TMEM114: variants seen among roughly 807,000 people sequenced by gnomAD.
TMEM114 encodes the protein claudin-26.
In TMEM114, 6 loss-of-function variants were observed where a neutral mutation model predicts 6.2. That is an observed-to-expected ratio of 0.97 (90% CI 0.53 to 1.91). TMEM114 has a LOEUF of 1.91. Ranked by LOEUF, TMEM114 falls within the 40% of genes most tolerant of loss-of-function variation. The pLI is 0.01. For missense variants in TMEM114, 218 were observed against 158.3 expected, an observed-to-expected ratio of 1.38 and a Z score of -2.02; for synonymous variants, 104 against 73.0, an observed-to-expected ratio of 1.42 and a Z score of -2.16.
At chr16:8,561,595 C>A (rs527310819) in intron 2 of TMEM114, among the ~76,000 whole-genome samples, 4 of 151,998 alleles carry the variant, frequency 2.6e-5, no homozygotes, top group African/African-American at 9.7e-5. Flanking sequence ...ATGAATGAGT[C>A]GATGAGCATA....
rs149098871 is a variant in TMEM114 at position 8,574,138 on chromosome 16, G to C, written c.302-1914C>G. ...GGCGATGAAGAATATAGACGTCAGA[G>C]CCGGATTATTTGCACTCTAATTCAG... On this transcript the variant is annotated intron_variant, in intron 2 of 3. Transcript: ENST00000620492. 2.0e-5 allele frequency among the ~76,000 whole-genome samples: 3 copies of C among 152,272 alleles called. No individual in the cohort carries two copies. The East Asian group carries it at 5.8e-4, about 29-fold the overall frequency.
chr16:8,573,002 C>A (rs1324315749), intron 2 of TMEM114, among the ~76,000 whole-genome samples: 2 of 152,214 alleles, frequency 1.3e-5, no homozygotes, highest in African/African-American at 4.8e-5. Flanking sequence ...ACTGGAGTGC[C>A]GGCCCCGTTC....
At chr16:8,562,692 A>AC in intron 2 of TMEM114, among the ~76,000 whole-genome samples, 1 of 145,154 alleles carries the variant, frequency 6.9e-6, no homozygotes, top group African/African-American at 2.6e-5. Context: ...GAGTGAGGGA[A>AC]TGAGTGAGTG....
At chr16:8,528,666 AT>A in the TMEM114 span, among the ~76,000 whole-genome samples, 1 of 152,232 alleles carries the variant, frequency 6.6e-6, no homozygotes, top group Admixed American at 6.5e-5. Context: ...GTAAATCTGC[AT>A]TGTCAGCTTT....
rs993110104 is a variant in TMEM114, at chr16:8,571,078, T to C, written c.439+1009A>G. ...CACCTCCAGACATCCCTTTTGTTTTTTTTCCTCTGTGGATTCCAAGGGAGC... is the reference window on the plus strand; with the variant it reads ...CACCTCCAGACATCCCTTTTGTTTTCTTTCCTCTGTGGATTCCAAGGGAGC... On this transcript the variant is annotated intron_variant, in intron 3 of 3. Transcript: ENST00000620492. Among the ~76,000 whole-genome samples, 65 of 152,226 alleles carry C rather than the reference T, an allele frequency of 4.3e-4. 1 individual carries two copies. Among genetic ancestry groups the C allele is most frequent in the Non-Finnish European group, 4.9e-4 (33 of 68,026 alleles).
At chr16:8,529,105 G>C in the TMEM114 span, among the ~76,000 whole-genome samples, 2 of 152,174 alleles carry the variant, frequency 1.3e-5, no homozygotes, top group Non-Finnish European at 2.9e-5. Flanking sequence ...TCAGCATCTT[G>C]GCTACCTGGA....
At chr16:8,530,493 C>T in the TMEM114 span, among the ~76,000 whole-genome samples, 1 of 151,246 alleles carries the variant, frequency 6.6e-6, no homozygotes, top group Non-Finnish European at 1.5e-5. Flanking sequence ...GCTAATGTAG[C>T]CAATGGAAAG....
downstream of TMEM114, among the ~76,000 whole-genome samples, chr16:8,533,962 C>T (rs973299381): frequency 9.2e-5 from 14 of 152,288 alleles, no homozygotes; most frequent in African/African-American, 2.9e-4. Context: ...CATCTGACCA[C>T]GAAAGGCAAC....
intron 2 of TMEM114, among the ~76,000 whole-genome samples, chr16:8,563,149 C>G (rs1026622419): frequency 1.2e-4 from 13 of 108,858 alleles, no homozygotes; most frequent in Middle Eastern, 0.022. Context: ...AAATGAGTGA[C>G]TGAATGAGTG....
intron 2 of TMEM114, among the ~76,000 whole-genome samples, chr16:8,542,142 T>TGGG (rs75052886): frequency 0.014 from 2,118 of 150,174 alleles, 52 homozygotes; most frequent in African/African-American, 0.048. Flanking sequence ...GGATGATTCG[T>TGGG]GGGGGGGGGT....
chr16:8,581,166 G>T (rs1276481472), intron 2 of TMEM114, among the ~76,000 whole-genome samples: 1 of 152,078 alleles, frequency 6.6e-6, no homozygotes, highest in South Asian at 2.1e-4. Context: ...TCTTTGAGGG[G>T]GGATAATAAA....
chr16:8,585,903 G>T (rs1222431010), intron 2 of TMEM114, among the ~76,000 whole-genome samples: 1 of 152,152 alleles, frequency 6.6e-6, no homozygotes, highest in African/African-American at 2.4e-5. Flanking sequence ...AAGGCCCATG[G>T]CCACATGCCT....
At chr16:8,542,142 T>TTGG (rs1555461288) in intron 2 of TMEM114, among the ~76,000 whole-genome samples, 1 of 150,128 alleles carries the variant, frequency 6.7e-6, no homozygotes. Context: ...GGATGATTCG[T>TTGG]GGGGGGGGGT....
rs1326157672 is a variant in TMEM114, at chr16:8,569,686, GGAA to G, written c.*84_*86del. ...CCTGGCCTCCCCGAGTGGCCTTTGA[GGAA>G]GAAGAGGCCGCAGCCGATGGAGATC... On this transcript the variant is annotated 3_prime_UTR_variant, in exon 4 of 4. Transcript: ENST00000620492. 1.3e-5 allele frequency: 19 copies of G among 1,455,424 alleles called. No individual in the cohort carries two copies. Among genetic ancestry groups the G allele is most frequent in the Non-Finnish European group, 1.6e-5 (18 of 1,104,896 alleles). The allele number at this position is 1,455,424 out of a possible 1,614,324, so 90.2% of individuals were successfully genotyped here.
At chr16:8,566,439 G>A (rs553476172), downstream of TMEM114, among the ~76,000 whole-genome samples, 17 of 149,988 alleles carry the variant, frequency 1.1e-4, no homozygotes, top group African/African-American at 4.2e-4. Flanking sequence ...CAGAATAGAA[G>A]AGAACAGATC....
At chr16:8,553,648 C>T (rs987749312) in intron 2 of TMEM114, among the ~76,000 whole-genome samples, 2 of 152,088 alleles carry the variant, frequency 1.3e-5, no homozygotes, top group Admixed American at 6.6e-5. Context: ...ATCACGCCTC[C>T]TATTTTGTAT....
chr16:8,589,070 C>T (rs1159974908), intron 2 of TMEM114, 143 bp downstream of exon 2: 2 of 394,444 alleles, frequency 5.1e-6, no homozygotes, highest in African/African-American at 4.1e-5. Flanking sequence ...GTCTTAAGCC[C>T]ACTCCATTCT....
downstream of TMEM114, among the ~76,000 whole-genome samples, chr16:8,533,689 A>C (rs72776576): frequency 3.9e-5 from 6 of 152,206 alleles, no homozygotes; most frequent in Non-Finnish European, 8.8e-5. Flanking sequence ...TCCACAGACT[A>C]TTCAACTGAG....
At chr16:8,559,378 T>G (rs1458853554) in intron 2 of TMEM114, among the ~76,000 whole-genome samples, 1 of 151,750 alleles carries the variant, frequency 6.6e-6, no homozygotes, top group Non-Finnish European at 1.5e-5. Flanking sequence ...GCTGCTTCCA[T>G]CGCACAGATC....
Sources: gnomAD v4.1 joint callset for allele counts (sites outside exome capture counted in the v4.1 genomes callset) on GRCh38, gnomAD v4.1.1 for gene constraint, MANE v1.5 for transcripts, NCBI Gene and HGNC (gene_info 2026-07-23, HGNC 2026-07-21) for gene names.